Variants in CLEC19A observed in about 807,000 individuals in gnomAD.
CLEC19A encodes the protein C-type lectin domain containing 19A, also known as C-type lectin domain family 19 member A.
CLEC19A carries 21 observed loss-of-function variants against 26.1 expected under a neutral mutation model. The observed-to-expected ratio is 0.80, with a 90% CI of 0.57 to 1.16. CLEC19A has a LOEUF of 1.16. Ranked by LOEUF, CLEC19A falls within the 50% of genes most tolerant of loss-of-function variation. The probability of loss-of-function intolerance (pLI) is 0.00; values close to 1 mark genes in which losing one functional copy is unlikely to be tolerated. For missense variants in CLEC19A, 224 were observed against 227.6 expected (o/e 0.98, Z 0.10); for synonymous variants, 89 against 88.6 (o/e 1.00, Z -0.03).
rs1897984123 is a variant in CLEC19A at position 19,307,591 on chromosome 16, A to G, written c.395A>G (p.Tyr132Cys). Residue 132 changes from tyrosine (Y) to cysteine (C), a missense_variant, in exon 4 of 5, where the codon TAC becomes TGC. By Grantham distance (194) the Tyr-to-Cys change is radical. Coordinates refer to ENST00000636231, the MANE Select transcript of CLEC19A (RefSeq NM_001256720.2). The part of the protein sequence containing the change: ...WTDGSSYDYS[Y>C]WDGSQPDDGV... ...GATGGCTCATCCTATGACTACAGCT[A>G]CTGGGATGGCAGCCAGCCAGATGAT... 6 of 1,548,168 alleles carry G rather than the reference A, an allele frequency of 3.9e-6. No individual in the cohort carries two copies. The highest frequency in any genetic ancestry group is 5.2e-6 in the Non-Finnish European group (6 of 1,146,804).
chr16:19,301,225 A>G (rs1294242332), intron 2 of CLEC19A, among the ~76,000 whole-genome samples: 8 of 152,248 alleles, frequency 5.3e-5, no homozygotes, highest in South Asian at 2.1e-4. Context: ...GACCCTGAAC[A>G]TGGAGAACCA....
chr16:19,306,353 C>G (rs964816098), intron 3 of CLEC19A, among the ~76,000 whole-genome samples: 2 of 151,752 alleles, frequency 1.3e-5, no homozygotes, highest in African/African-American at 2.4e-5. Context: ...CACTATGTTG[C>G]CCAGGATTGT....
intron 1 of CLEC19A, 164 bp from the exon 2 acceptor site, chr16:19,298,509 T>G (rs1897751402): frequency 1.8e-5 from 12 of 678,432 alleles, no homozygotes; most frequent in Non-Finnish European, 2.9e-5. Flanking sequence ...GAGGCTGCAA[T>G]GAGCTATGAT....
chr16:19,301,889 C>T (rs552755151), intron 2 of CLEC19A, among the ~76,000 whole-genome samples: 1 of 151,766 alleles, frequency 6.6e-6, no homozygotes, highest in Non-Finnish European at 1.5e-5. Flanking sequence ...CCGCGCCCGG[C>T]CTCACACTGA....
chr16:19,308,324 T>G (rs1897999273), intron 4 of CLEC19A, among the ~76,000 whole-genome samples: 1 of 152,182 alleles, frequency 6.6e-6, no homozygotes, highest in African/African-American at 2.4e-5. Context: ...GCTCCATCCT[T>G]AATGTGTAGC....
intron 2 of CLEC19A, among the ~76,000 whole-genome samples, chr16:19,303,601 A>T (rs1300838529): frequency 6.6e-6 from 1 of 152,210 alleles, no homozygotes; most frequent in Non-Finnish European, 1.5e-5. Flanking sequence ...CCAGGAAAAC[A>T]GAGATTTTGG....
chr16:19,291,076 C>G (rs1051626730), intron 1 of CLEC19A, among the ~76,000 whole-genome samples: 1 of 152,212 alleles, frequency 6.6e-6, no homozygotes, highest in Non-Finnish European at 1.5e-5. Context: ...CTCCTGGCCT[C>G]AAACGATCCT....
At position 19,301,564 on chromosome 16, in the gene CLEC19A, C is replaced by CTTTA. The variant is rs963595933; in HGVS notation, c.255-2481_255-2478dup. On this transcript the variant is annotated intron_variant, in intron 2 of 4. Transcript: ENST00000636231. Reference sequence around the variant, plus strand: ...TGGAGATAGCAATAATCACACTGATCTTTATTTATTTATTTATTTAGACAG... The same window carrying CTTTA: ...TGGAGATAGCAATAATCACACTGATCTTTATTTATTTATTTATTTATTTAGACAG... Among the ~76,000 whole-genome samples the CTTTA allele has an allele frequency of 4.7e-4, 72 of 151,848 alleles. 1 individual carries two copies. The highest frequency in any genetic ancestry group is 1.4e-3 in the African/African-American group (56 of 41,466).
intron 1 of CLEC19A, 131 bp downstream of exon 1, chr16:19,286,070 C>G (rs1897462496): frequency 2.4e-6 from 2 of 823,624 alleles, no homozygotes; most frequent in African/African-American, 1.7e-5. Flanking sequence ...GACAGCTTTC[C>G]CCCTACCAGC....
At chr16:19,294,506 A>G (rs1159069919) in intron 1 of CLEC19A, among the ~76,000 whole-genome samples, 2 of 152,326 alleles carry the variant, frequency 1.3e-5, no homozygotes, top group East Asian at 3.9e-4. Context: ...CTTAGTGCAG[A>G]AACTCATGAA....
Position 19,303,911 on chromosome 16 carries a change from G to A in CLEC19A, c.255-151G>A, listed in dbSNP as rs946309659. On this transcript the variant is annotated intron_variant, in intron 2 of 4. Transcript: ENST00000636231. ...TGCCCATGTAGGACCGGCCACATAT[G>A]GGTGACTTAATGAAAAATGGAGGCC... The A allele has an allele frequency of 2.3e-5, 14 of 618,256 alleles. No individual in the cohort carries two copies. The African/African-American group carries it at 2.4e-4, about 11-fold the overall frequency. 38.3% of individuals were successfully genotyped at this position (618,256 alleles called of 1,614,324 possible).
rs1897452516 is a variant in CLEC19A at position 19,285,867 on chromosome 16, CTG to C, written c.19_20del (p.Trp7GlyfsTer52). 1.3e-6 allele frequency: 2 copies of C among 1,550,564 alleles called. No homozygotes were observed. The highest frequency in any genetic ancestry group is 1.4e-5 in the African/African-American group (1 of 73,172). On this transcript the variant is annotated frameshift_variant, in exon 1 of 5. Coordinates refer to ENST00000636231, the MANE Select transcript of CLEC19A (RefSeq NM_001256720.2). LOFTEE classifies it high-confidence loss of function. ...GGAGCTCAGGATGCAAAGGTGGACA[CTG>C]TGGGCTGCAGCCTTCCTGACCCTCC... The part of the protein sequence containing the change: MQRWT[L>X]WAAAFLTLHS...
chr16:19,298,133 T>A (rs1466672218), intron 1 of CLEC19A, among the ~76,000 whole-genome samples: 1 of 151,626 alleles, frequency 6.6e-6, no homozygotes, highest in Non-Finnish European at 1.5e-5. Context: ...TCCCAGCTAC[T>A]TGGCAGGCTG....
At chr16:19,294,432 C>A (rs1202255686) in intron 1 of CLEC19A, among the ~76,000 whole-genome samples, 2 of 152,204 alleles carry the variant, frequency 1.3e-5, no homozygotes, top group Non-Finnish European at 2.9e-5. Flanking sequence ...GGTTTTAACA[C>A]CCACGTGGGG....
chr16:19,286,595 A>T (rs1222527016), intron 1 of CLEC19A, among the ~76,000 whole-genome samples: 2 of 152,158 alleles, frequency 1.3e-5, no homozygotes, highest in Non-Finnish European at 2.9e-5. Context: ...TCCACTTTGC[A>T]ATAGGAAGGC....
rs749297238 is a variant in CLEC19A at position 19,309,088 on chromosome 16, G to C, written c.*5G>C. ...CCATCTCTGACCATTCATTGATCCTGTCTTGTCCTACTGGTGTGAGCTCAA... is the reference window on the plus strand; with the variant it reads ...CCATCTCTGACCATTCATTGATCCTCTCTTGTCCTACTGGTGTGAGCTCAA... On this transcript the variant is annotated 3_prime_UTR_variant, in exon 5 of 5. Coordinates refer to ENST00000636231, the MANE Select transcript of CLEC19A (RefSeq NM_001256720.2). The C allele has an allele frequency of 7.1e-6, 11 of 1,547,014 alleles. No individual in the cohort carries two copies. In the South Asian group the frequency reaches 1.3e-4, roughly 18 times the overall value.
At chr16:19,308,316 T>C (rs1211846701) in intron 4 of CLEC19A, among the ~76,000 whole-genome samples, 1 of 152,198 alleles carries the variant, frequency 6.6e-6, no homozygotes. Context: ...GAACCCCCGC[T>C]CCATCCTTAA....
intron 2 of CLEC19A, among the ~76,000 whole-genome samples, chr16:19,301,814 A>G (rs1401237261): frequency 7.5e-6 from 1 of 133,564 alleles, no homozygotes; most frequent in Non-Finnish European, 1.5e-5. Context: ...GATGGTCTCA[A>G]TCTCTTGACC....
At chr16:19,288,082 C>T (rs1183181623) in intron 1 of CLEC19A, among the ~76,000 whole-genome samples, 1 of 152,150 alleles carries the variant, frequency 6.6e-6, no homozygotes, top group South Asian at 2.1e-4. Context: ...TCCACTCAGC[C>T]CAACCTTTCC....
Sources: gnomAD v4.1 joint callset for allele counts (sites outside exome capture counted in the v4.1 genomes callset) on GRCh38, gnomAD v4.1.1 for gene constraint, MANE v1.5 for transcripts, NCBI Gene and HGNC (gene_info 2026-07-23, HGNC 2026-07-21) for gene names.